The following TTC13 variants were observed in gnomAD, a reference collection of about 807,000 sequenced individuals.
TTC13 encodes the protein tetratricopeptide repeat protein 13.
Under a neutral mutation model 120.0 loss-of-function variants are expected in TTC13, and 62 were observed. That is an observed-to-expected ratio of 0.52 (90% CI 0.42 to 0.64). The LOEUF is 0.64. Ranked by LOEUF, TTC13 falls within the 30% of genes least tolerant of loss-of-function variation. The pLI, the probability that TTC13 is intolerant of heterozygous loss-of-function variation, is 0.00. For missense variants in TTC13, 824 were observed against 1,050.2 expected (o/e 0.78, Z 2.98); for synonymous variants, 384 against 393.5 (o/e 0.98, Z 0.28).
At chr1:230,971,072 G>A (rs1005616952) in intron 1 of TTC13, among the ~76,000 whole-genome samples, 23 of 152,202 alleles carry the variant, frequency 1.5e-4, no homozygotes, top group African/African-American at 3.9e-4. Flanking sequence ...GTGGCCAGGC[G>A]CGGTGGCTCA....
chr1:230,975,967 G>C (rs769893812), intron 1 of TTC13, among the ~76,000 whole-genome samples: 1 of 152,202 alleles, frequency 6.6e-6, no homozygotes, highest in African/African-American at 2.4e-5. Flanking sequence ...AATCACTGGC[G>C]GTTCTGTCTC....
intron 1 of TTC13, among the ~76,000 whole-genome samples, chr1:230,975,058 T>A (rs78429231): frequency 0.1 from 15,227 of 152,164 alleles, 802 homozygotes; most frequent in South Asian, 0.17. Flanking sequence ...AACTTCTCTG[T>A]CTCAGTTTGT....
intron 15 of TTC13, among the ~76,000 whole-genome samples, chr1:230,923,206 A>G (rs1672752786): frequency 6.6e-6 from 1 of 152,160 alleles, no homozygotes; most frequent in South Asian, 2.1e-4. Context: ...TCCCCAAGAA[A>G]CTGATATCCT....
chr1:230,950,821 C>A (rs1675499842), intron 4 of TTC13, among the ~76,000 whole-genome samples: 1 of 152,134 alleles, frequency 6.6e-6, no homozygotes, highest in East Asian at 1.9e-4. Flanking sequence ...ATTGTTGAAG[C>A]ATTTATGTTA....
At chr1:230,921,763 CCAGCACTAA>C (rs1672597024) in intron 15 of TTC13, among the ~76,000 whole-genome samples, 1 of 152,158 alleles carries the variant, frequency 6.6e-6, no homozygotes, top group Non-Finnish European at 1.5e-5. Flanking sequence ...GACAAATCCC[CCAGCACTAA>C]AGTGAGGTCC....
chr1:230,907,034 C>G lies in TTC13; in HGVS notation c.2469-15G>C, dbSNP rs1243874897. On this transcript the variant is annotated splice_polypyrimidine_tract_variant and intron_variant, in intron 22 of 22. Coordinates refer to ENST00000366661, the MANE Select transcript of TTC13 (RefSeq NM_024525.5). ...AAGGTGAAATACTGAAAAAGAAAAACACAAAGTAGCGGCATGAAAATTAAC... is the reference window on the plus strand; with the variant it reads ...AAGGTGAAATACTGAAAAAGAAAAAGACAAAGTAGCGGCATGAAAATTAAC... 1 of 1,349,856 alleles carries G rather than the reference C, an allele frequency of 7.4e-7. No homozygotes were observed. Among genetic ancestry groups the G allele is most frequent in the African/African-American group, 1.5e-5 (1 of 65,896 alleles). The allele number at this position is 1,349,856 out of a possible 1,614,324, so 83.6% of individuals were successfully genotyped here.
intron 1 of TTC13, among the ~76,000 whole-genome samples, chr1:230,969,125 A>G (rs913769072): frequency 6.8e-6 from 1 of 146,450 alleles, no homozygotes; most frequent in African/African-American, 2.6e-5. Flanking sequence ...AGCCGGGTGC[A>G]GTGGCAGGCG....
chr1:230,910,656 C>T (rs1671408169), intron 20 of TTC13, among the ~76,000 whole-genome samples: 1 of 152,240 alleles, frequency 6.6e-6, no homozygotes, highest in Non-Finnish European at 1.5e-5. Flanking sequence ...CTGTTGAGTA[C>T]AGTGGGGCCC....
At chr1:230,977,858 A>G (rs1046280183) in intron 1 of TTC13, among the ~76,000 whole-genome samples, 1 of 152,248 alleles carries the variant, frequency 6.6e-6, no homozygotes, top group African/African-American at 2.4e-5. Context: ...AATAGCGCCC[A>G]TTCTTAATGA....
Position 230,943,876 on chromosome 1 carries a change from G to C in TTC13, c.602C>G (p.Ala201Gly), listed in dbSNP as rs148135665. 204 of 1,610,030 alleles carry C rather than the reference G, an allele frequency of 1.3e-4. No individual in the cohort carries two copies. The highest frequency in any genetic ancestry group is 1.1e-4 in the Non-Finnish European group (124 of 1,177,344). ...AATTACTCGGCTCAGTTCGAACAGA[G>C]CAAGCTCAGCATTCTTAATGTCCTT... ...GLHDIKNAEL[A>G]LFELSRVITL... Residue 201 changes from alanine to glycine, a missense_variant, in exon 6 of 23, where the codon GCT becomes GGT. Physicochemically the swap from Ala to Gly is moderately conservative, Grantham distance 60 (BLOSUM62 0). This residue lies in a region of TTC13 where 430 missense variants were observed against 626.8 expected (regional missense o/e 0.69). Transcript: ENST00000366661.
At chr1:230,941,037 C>T (rs1054426254) in intron 6 of TTC13, among the ~76,000 whole-genome samples, 8 of 152,152 alleles carry the variant, frequency 5.3e-5, no homozygotes, top group African/African-American at 1.9e-4. Context: ...ATTCCAGATG[C>T]TCTTTAAGCC....
chr1:230,943,932 T>TAA, intron 5 of TTC13, 34 bp from the exon 6 acceptor site: 4 of 1,511,326 alleles, frequency 2.6e-6, no homozygotes, highest in Non-Finnish European at 3.6e-6. Flanking sequence ...TGAGACATAC[T>TAA]GTTACTCAAA....
At chr1:230,965,277 T>A (rs1297996953) in intron 1 of TTC13, among the ~76,000 whole-genome samples, 1 of 152,166 alleles carries the variant, frequency 6.6e-6, no homozygotes, top group Non-Finnish European at 1.5e-5. Context: ...AACAACTGTA[T>A]TGGAAAAAAT....
At chr1:230,952,807 G>A (rs559039524) in intron 4 of TTC13, among the ~76,000 whole-genome samples, 6 of 152,198 alleles carry the variant, frequency 3.9e-5, no homozygotes, top group African/African-American at 1.4e-4. Context: ...TAAAACAAAT[G>A]CATACTTTGA....
Position 230,978,139 on chromosome 1 carries a change from G to C in TTC13, c.271+421C>G, listed in dbSNP as rs1017717893. ...AGATGTGCCAGGCGTCTCCCTCCGGGGGCGGGCTCCGCAAGCCGCCGGGCT... is the reference window on the plus strand; with the variant it reads ...AGATGTGCCAGGCGTCTCCCTCCGGCGGCGGGCTCCGCAAGCCGCCGGGCT... On this transcript the variant is annotated intron_variant, in intron 1 of 22. Coordinates refer to ENST00000366661, the MANE Select transcript of TTC13 (RefSeq NM_024525.5). The surrounding 1 kb of genome is among the most constrained non-coding windows in gnomAD (Gnocchi z 5.6). Among the ~76,000 whole-genome samples the C allele has an allele frequency of 1.1e-4, 16 of 152,200 alleles. No individual in the cohort carries two copies. Among genetic ancestry groups the C allele is most frequent in the African/African-American group, 2.4e-5 (1 of 41,460 alleles).
rs778831776 is a variant in TTC13 at position 230,908,785 on chromosome 1, C to T, written c.2395G>A (p.Asp799Asn). Residue 799 changes from aspartate to asparagine, a missense_variant, in exon 22 of 23, where the codon GAC (aspartate) becomes AAC (asparagine). By Grantham distance (23) the Asp-to-Asn change is conservative. Coordinates refer to ENST00000366661, the MANE Select transcript of TTC13 (RefSeq NM_024525.5). The part of the protein sequence containing the change: ...AGKIPKGKLV[D>N]FEAMTAPGSE... ...CCAGGGGCTGTCATAGCTTCAAAGT[C>T]GACTAACTGAAAAAGAAAGACATTT... 2 of 1,612,644 alleles carry T rather than the reference C, an allele frequency of 1.2e-6. No homozygotes were observed. The highest frequency in any genetic ancestry group is 2.2e-5 in the East Asian group (1 of 44,838).
Position 230,978,392 on chromosome 1 carries a change from G to A in TTC13, c.271+168C>T, listed in dbSNP as rs1377429371. Among the ~76,000 whole-genome samples, 1 of 151,828 alleles carries A rather than the reference G, an allele frequency of 6.6e-6. No individual in the cohort carries two copies. Among genetic ancestry groups the A allele is most frequent in the Non-Finnish European group, 1.5e-5 (1 of 67,892 alleles). On this transcript the variant is annotated intron_variant, in intron 1 of 22. Coordinates refer to ENST00000366661, the MANE Select transcript of TTC13 (RefSeq NM_024525.5). The surrounding 1 kb of genome is among the most constrained non-coding windows in gnomAD (Gnocchi z 5.6). ...CAGGAGGGCGCGCGGCGGCGTGGGT[G>A]GCAGCGGCGGGAAGCTGCCCGCCAG... is the stretch of plus-strand genomic sequence containing the variant.
chr1:230,964,143 C>T (rs1449645907), intron 1 of TTC13, among the ~76,000 whole-genome samples: 4 of 152,084 alleles, frequency 2.6e-5, no homozygotes, highest in Non-Finnish European at 4.4e-5. Context: ...AAATATACAC[C>T]TACATAATTT....
chr1:230,913,697 G>A (rs774805979), intron 18 of TTC13, among the ~76,000 whole-genome samples: 1 of 152,160 alleles, frequency 6.6e-6, no homozygotes, highest in South Asian at 2.1e-4. Flanking sequence ...GCTCATCAGA[G>A]GTTCAAAAAA....
Sources: allele counts gnomAD v4.1 joint callset (sites outside exome capture counted in the v4.1 genomes callset), GRCh38; gene constraint gnomAD v4.1.1; regional missense constraint gnomAD v4.1.1; non-coding constraint Gnocchi (gnomAD v3.1); transcripts MANE v1.5; gene names NCBI Gene and HGNC (gene_info 2026-07-23, HGNC 2026-07-21).